The following PMM1 variants were observed in gnomAD, a reference collection of about 807,000 sequenced individuals.
PMM1 encodes phosphomannomutase 1.
In PMM1, 25 loss-of-function variants were observed where a neutral mutation model predicts 34.0. That is an observed-to-expected ratio of 0.73 (90% CI 0.54 to 1.03). The LOEUF (loss-of-function observed/expected upper bound fraction) is 1.03. PMM1 is among the 50% of genes least tolerant of loss of function. The pLI, the probability that PMM1 is intolerant of heterozygous loss-of-function variation, is 0.00. For synonymous variants in PMM1, 134 were observed against 143.9 expected, an observed-to-expected ratio of 0.93 and a Z score of 0.49; for missense variants, 321 against 350.1, an observed-to-expected ratio of 0.92 and a Z score of 0.66.
chr22:41,586,756 G>A (rs970916909), intron 1 of PMM1, among the ~76,000 whole-genome samples: 11 of 150,814 alleles, frequency 7.3e-5, no homozygotes, highest in South Asian at 2.1e-4. Context: ...TGATCCATCC[G>A]CCTGGGCCTC....
rs1055736967 is a variant in PMM1 at position 41,586,042 on chromosome 22, T to C, written c.205+34A>G. On this transcript the variant is annotated intron_variant, in intron 2 of 7. Coordinates refer to ENST00000216259, the MANE Select transcript of PMM1 (RefSeq NM_002676.3). ...GAAGACGCCCAGGAATCTCTCAAAC[T>C]CCCCACTCCCTCTACCCCCAGCCTC... 3 of 1,497,246 alleles carry C rather than the reference T, an allele frequency of 2.0e-6. No homozygotes were observed. The Admixed American group carries it at 6.0e-5, about 30-fold the overall frequency. The allele number at this position is 1,497,246 out of a possible 1,614,324, so 92.7% of individuals were successfully genotyped here.
chr22:41,586,751 CA>C (rs1254482020), intron 1 of PMM1, among the ~76,000 whole-genome samples: 7 of 151,132 alleles, frequency 4.6e-5, no homozygotes, highest in Admixed American at 4.6e-4. Context: ...TCAGGTGATC[CA>C]TCCGCCTGGG....
At chr22:41,584,913 C>G (rs1019635231) in intron 2 of PMM1, 2 of 319,086 alleles carry the variant, frequency 6.3e-6, no homozygotes, top group Non-Finnish European at 1.2e-5. Context: ...GGAAGCCATG[C>G]AGTACTCTCT....
chr22:41,586,376 A>T, intron 1 of PMM1, 183 bp from the exon 2 acceptor site: 1 of 1,108,100 alleles, frequency 9.0e-7, no homozygotes, highest in South Asian at 2.0e-5. Context: ...CAATCCCAAC[A>T]CTTTGCGAGG....
At chr22:41,579,063 G>A (rs1461983172) in intron 5 of PMM1, 182 bp from the exon 6 acceptor site, 1 of 575,030 alleles carries the variant, frequency 1.7e-6, no homozygotes, top group East Asian at 3.0e-5. Context: ...TAGCCCTGGT[G>A]GCAGAGCCAG....
At chr22:41,587,438 C>G (rs1401905941) in intron 1 of PMM1, among the ~76,000 whole-genome samples, 2 of 108,912 alleles carry the variant, frequency 1.8e-5, no homozygotes, top group African/African-American at 9.7e-5. Context: ...GAGATTTCAT[C>G]TCCAAAAAAA....
rs1381482669 is a variant in PMM1 at position 41,584,271 on chromosome 22, G to A, written c.374+10C>T. The A allele has an allele frequency of 1.2e-6, 2 of 1,612,534 alleles. No homozygotes were observed. Among genetic ancestry groups the A allele is most frequent in the Middle Eastern group, 1.7e-4 (1 of 6,060 alleles). On this transcript the variant is annotated intron_variant, in intron 4 of 7. Coordinates refer to ENST00000216259, the MANE Select transcript of PMM1 (RefSeq NM_002676.3). The stretch of plus-strand genomic sequence containing the variant: ...CCCAGGTTCTGGAGACCAGGCTGGT[G>A]GGACCTCACCGCTTCTTGGGCAGCC...
At position 41,584,064 on chromosome 22, in the gene PMM1, G is replaced by C. The variant is rs568515150; in HGVS notation, c.375-6C>G. 1 of 1,606,016 alleles carries C rather than the reference G, an allele frequency of 6.2e-7. No homozygotes were observed. The highest frequency in any genetic ancestry group is 1.3e-5 in the African/African-American group (1 of 74,878). ...GGAACTCGATGAAGGTTCCACTGGTGGTGAGGGAGGGCGGGGAGCCAGAGA... is the reference window on the plus strand; with the variant it reads ...GGAACTCGATGAAGGTTCCACTGGTCGTGAGGGAGGGCGGGGAGCCAGAGA... On this transcript the variant is annotated splice_polypyrimidine_tract_variant and splice_region_variant and intron_variant, in intron 4 of 7. Transcript: ENST00000216259.
intron 1 of PMM1, among the ~76,000 whole-genome samples, chr22:41,586,715 G>C (rs1162573001): frequency 6.6e-6 from 1 of 151,646 alleles, no homozygotes; most frequent in African/African-American, 2.4e-5. Flanking sequence ...CGCCATGTTG[G>C]CCAGGCTGGT....
At chr22:41,586,714 G>C (rs1393510002) in intron 1 of PMM1, among the ~76,000 whole-genome samples, 1 of 151,564 alleles carries the variant, frequency 6.6e-6, no homozygotes, top group Admixed American at 6.6e-5. Flanking sequence ...TCGCCATGTT[G>C]GCCAGGCTGG....
In PMM1 at chr22:41,577,138, G is replaced by A. The variant is rs2145605614; in HGVS notation, c.*180C>T. The A allele has an allele frequency of 1.3e-6, 1 of 773,370 alleles. No individual in the cohort carries two copies. Among genetic ancestry groups the A allele is most frequent in the East Asian group, 2.6e-5 (1 of 38,854 alleles). The allele number at this position is 773,370 out of a possible 1,614,324, so 47.9% of individuals were successfully genotyped here. ...TGGGCCCTGGGAGGACGAAGCCAGT[G>A]CCACTAGGAGCAGACTGGCTGGGGA... is the stretch of plus-strand genomic sequence containing the variant. On this transcript the variant is annotated 3_prime_UTR_variant, in exon 8 of 8. Coordinates refer to ENST00000216259, the MANE Select transcript of PMM1 (RefSeq NM_002676.3).
Position 41,578,868 on chromosome 22 carries a change from C to G in PMM1, c.488G>C (p.Arg163Pro). 1 of 1,613,918 alleles carries G rather than the reference C, an allele frequency of 6.2e-7. No homozygotes were observed. Among genetic ancestry groups the G allele is most frequent in the South Asian group, 1.1e-5 (1 of 91,062 alleles). ...FSELDKKEKI[R>P]EKFVEALKTE... is the part of the protein sequence containing the mutation. ...TTTCAGGGCTTCCACGAACTTCTCC[C>G]GGATCTTCTCTTTCTGCAGAGGGGA... Residue 163 changes from arginine (R) to proline (P), a missense_variant, in exon 6 of 8, where the codon CGG becomes CCG. Physicochemically the swap from Arg to Pro is moderately radical, Grantham distance 103. Coordinates refer to ENST00000216259, the MANE Select transcript of PMM1 (RefSeq NM_002676.3).
rs762727934 is a variant in PMM1, at chr22:41,584,031, G to A, written c.402C>T (p.Gly134=). 1.7e-5 allele frequency: 28 copies of A among 1,613,748 alleles called. No individual in the cohort carries two copies. The highest frequency in any genetic ancestry group is 2.2e-5 in the Non-Finnish European group (26 of 1,179,778). ...GGCCGATGGGCGAGATGTTCAGCAT[G>A]CCATTCCGGAACTCGATGAAGGTTC... The part of the protein sequence containing the change: ...KRGTFIEFRN[G]MLNISPIGRS... The change falls in exon 5 of 8, where the codon GGC becomes GGT. Residue 134 remains glycine, a synonymous_variant. Coordinates refer to ENST00000216259, the MANE Select transcript of PMM1 (RefSeq NM_002676.3).
rs376315549 is a variant in PMM1 at position 41,577,894 on chromosome 22, C to T, written c.580G>A (p.Glu194Lys). ...GGMISFDVFP[E>K]GWDKRYCLDS... ...AGGCAGTAGCGCTTGTCCCAGCCCT[C>T]GGGGAAGACGTCAAAGCTGATCATG... is the stretch of plus-strand genomic sequence containing the variant. The change falls in exon 7 of 8, where the codon GAG (glutamate) becomes AAG (lysine). Residue 194 changes from glutamate (E) to lysine (K), a missense_variant. By Grantham distance (56) the Glu-to-Lys change is moderately conservative. Coordinates refer to ENST00000216259, the MANE Select transcript of PMM1 (RefSeq NM_002676.3). 6.2e-6 allele frequency: 10 copies of T among 1,613,214 alleles called. No individual in the cohort carries two copies. The highest frequency in any genetic ancestry group is 2.2e-5 in the East Asian group (1 of 44,884).
chr22:41,589,799 C>T lies in PMM1; in HGVS notation c.7G>A (p.Val3Ile), dbSNP rs773354354. Reference protein sequence around the residue: MAVTAQAARRKER... With the variant: MAITAQAARRKER... ...TTCCTGCGGGCTGCCTGGGCGGTGA[C>T]TGCCATGGCTGCAGGTCCGCGCGCG... is the stretch of plus-strand genomic sequence containing the variant. Residue 3 changes from valine to isoleucine, a missense_variant, in exon 1 of 8, where the codon GTC (valine) becomes ATC (isoleucine). Physicochemically the swap from Val to Ile is conservative, Grantham distance 29. Coordinates refer to ENST00000216259, the MANE Select transcript of PMM1 (RefSeq NM_002676.3). 3.7e-6 allele frequency: 6 copies of T among 1,605,414 alleles called. No individual in the cohort carries two copies. In the African/African-American group the frequency reaches 8.0e-5, roughly 21 times the overall value.
Position 41,584,527 on chromosome 22 carries a change from C to G in PMM1, c.282G>C (p.Gln94His), listed in dbSNP as rs2067285890. The part of the protein sequence containing the change: ...QYKHGRLLSK[Q>H]TIQNHLGEEL... ...TGGCTAAGCCCTGGGGGACACTGACCTGCTTGGAGAGCAGTCGTCCGTGCT... is the reference window on the plus strand; with the variant it reads ...TGGCTAAGCCCTGGGGGACACTGACGTGCTTGGAGAGCAGTCGTCCGTGCT... Residue 94 changes from glutamine (Q) to histidine (H), a missense_variant and splice_region_variant, in exon 3 of 8, where the codon CAG becomes CAC. Gln to His is a conservative substitution (Grantham distance 24). Coordinates refer to ENST00000216259, the MANE Select transcript of PMM1 (RefSeq NM_002676.3). The G allele has an allele frequency of 1.2e-6, 2 of 1,612,976 alleles. No individual in the cohort carries two copies. The highest frequency in any genetic ancestry group is 1.7e-6 in the Non-Finnish European group (2 of 1,179,142).
chr22:41,578,675 A>G, intron 6 of PMM1, 131 bp downstream of exon 6: 1 of 693,980 alleles, frequency 1.4e-6, no homozygotes, highest in South Asian at 1.7e-5. Flanking sequence ...GGGCTCAGCC[A>G]CCCTCTCTGC....
In PMM1 at chr22:41,577,128, C is replaced by T. The variant is rs551598151; in HGVS notation, c.*190G>A. On this transcript the variant is annotated 3_prime_UTR_variant, in exon 8 of 8. Transcript: ENST00000216259. ...GGGAACACTCTGGGCCCTGGGAGGA[C>T]GAAGCCAGTGCCACTAGGAGCAGAC... The T allele has an allele frequency of 9.5e-5, 68 of 712,192 alleles. No individual in the cohort carries two copies. Among genetic ancestry groups the T allele is most frequent in the South Asian group, 3.7e-4 (22 of 58,954 alleles). The allele number at this position is 712,192 out of a possible 1,614,324, so 44.1% of individuals were successfully genotyped here. A position where few individuals can be genotyped will look rare whatever the true frequency, so the allele number is the denominator to read the frequency against.
At chr22:41,578,924 G>A in intron 5 of PMM1, 43 bp from the exon 6 acceptor site, 1 of 1,544,342 alleles carries the variant, frequency 6.5e-7, no homozygotes, top group African/African-American at 1.4e-5. Flanking sequence ...AGGACCTGCT[G>A]TGTGCCAGGC....
Sources: allele counts gnomAD v4.1 joint callset (sites outside exome capture counted in the v4.1 genomes callset), GRCh38; gene constraint gnomAD v4.1.1; transcripts MANE v1.5; gene names NCBI Gene and HGNC (gene_info 2026-07-23, HGNC 2026-07-21).